WDPCP: variants seen among roughly 807,000 people sequenced by gnomAD.
The protein encoded by WDPCP is WD repeat-containing and planar cell polarity effector protein fritz homolog.
In WDPCP, 71 loss-of-function variants were observed where a neutral mutation model predicts 93.1. That is an observed-to-expected ratio of 0.76 (90% CI 0.63 to 0.93). The LOEUF (loss-of-function observed/expected upper bound fraction) is 0.93. Ranked by LOEUF, WDPCP falls within the 40% of genes least tolerant of loss-of-function variation. The probability of loss-of-function intolerance (pLI) is 0.00; values close to 1 mark genes in which losing one functional copy is unlikely to be tolerated. For missense variants in WDPCP, 844 were observed against 887.4 expected (o/e 0.95, Z 0.62); for synonymous variants, 315 against 315.0 (o/e 1.00, Z 0.00).
intron 1 of WDPCP, among the ~76,000 whole-genome samples, chr2:63,539,951 A>C (rs1160924001): frequency 1.3e-5 from 2 of 152,188 alleles, no homozygotes; most frequent in Non-Finnish European, 2.9e-5. Context: ...TCTCATTGGA[A>C]TGTTAAATAA....
At chr2:63,761,946 AC>A (rs1360662408) in intron 2 of WDPCP, among the ~76,000 whole-genome samples, 27 of 152,120 alleles carry the variant, frequency 1.8e-4, no homozygotes, top group African/African-American at 6.0e-4. Flanking sequence ...GGGTCTAGTT[AC>A]TAATTCCTGG....
At chr2:63,546,797 G>GA (rs1705183119) in intron 1 of WDPCP, among the ~76,000 whole-genome samples, 1 of 151,646 alleles carries the variant, frequency 6.6e-6, no homozygotes, top group African/African-American at 2.4e-5. Flanking sequence ...TTAGAAAGCA[G>GA]AAACAAACTC....
chr2:63,450,034 G>A (rs999675730), intron 6 of WDPCP, among the ~76,000 whole-genome samples: 6 of 152,154 alleles, frequency 3.9e-5, no homozygotes, highest in Admixed American at 1.3e-4. Flanking sequence ...CCAGGACAAA[G>A]GAAAGCAAAG....
chr2:63,564,510 A>T (rs1442066281), intron 1 of WDPCP: 1 of 152,106 alleles, frequency 6.6e-6, no homozygotes, highest in African/African-American at 2.4e-5. Flanking sequence ...GTCTGTGGGG[A>T]ACCTCCTTCT....
At chr2:63,476,881 G>A (rs1700004493) in intron 6 of WDPCP, among the ~76,000 whole-genome samples, 1 of 152,024 alleles carries the variant, frequency 6.6e-6, no homozygotes, top group African/African-American at 2.4e-5. Flanking sequence ...TGATAGGCTT[G>A]GAAAATAATT....
At chr2:63,248,768 T>G in intron 14 of WDPCP, among the ~76,000 whole-genome samples, 1 of 152,172 alleles carries the variant, frequency 6.6e-6, no homozygotes, top group East Asian at 1.9e-4. Context: ...TAAAGTTGGC[T>G]GATTTTTTTT....
intron 3 of WDPCP, among the ~76,000 whole-genome samples, chr2:63,638,789 G>GA (rs1342093696): frequency 1.5e-5 from 2 of 134,478 alleles, no homozygotes; most frequent in African/African-American, 2.7e-5. Context: ...CTTCTGTCTC[G>GA]AAAAAAAGAA....
intron 1 of WDPCP, among the ~76,000 whole-genome samples, chr2:63,571,210 C>T (rs1017375428): frequency 1.3e-5 from 2 of 152,116 alleles, no homozygotes; most frequent in Non-Finnish European, 2.9e-5. Flanking sequence ...CGCGCCTGGT[C>T]AGGGTAAATT....
chr2:63,146,249 A>G (rs1278495794), intron 17 of WDPCP, among the ~76,000 whole-genome samples: 2 of 152,130 alleles, frequency 1.3e-5, no homozygotes, highest in Non-Finnish European at 1.5e-5. Context: ...TCTGTTGAAT[A>G]GGAGTGGTGA....
intron 14 of WDPCP, among the ~76,000 whole-genome samples, chr2:63,253,140 T>C (rs1391240222): frequency 6.6e-6 from 1 of 151,824 alleles, no homozygotes; most frequent in Non-Finnish European, 1.5e-5. Context: ...TCTTCGACAG[T>C]CAAGAAAAGA....
chr2:63,440,813 A>G (rs1697457208), intron 6 of WDPCP: 1 of 152,610 alleles, frequency 6.6e-6, no homozygotes, highest in Admixed American at 6.6e-5. Flanking sequence ...ATGCTAGCCA[A>G]ATTCAAAGAC....
At chr2:63,194,208 T>C (rs916922148) in intron 14 of WDPCP, among the ~76,000 whole-genome samples, 8 of 152,138 alleles carry the variant, frequency 5.3e-5, no homozygotes, top group Non-Finnish European at 1.2e-4. Context: ...GAAAATAATA[T>C]TTTTCCATTT....
chr2:63,155,462 G>A (rs1307051153), intron 15 of WDPCP, among the ~76,000 whole-genome samples: 1 of 152,020 alleles, frequency 6.6e-6, no homozygotes, highest in African/African-American at 2.4e-5. Context: ...GTCTATTTCT[G>A]GGTTATATGT....
chr2:63,668,740 T>C (rs1488575530), intron 2 of WDPCP, among the ~76,000 whole-genome samples: 1 of 152,148 alleles, frequency 6.6e-6, no homozygotes, highest in Admixed American at 6.5e-5. Context: ...TCCTCTTCTG[T>C]TTCTACACAA....
intron 1 of WDPCP, among the ~76,000 whole-genome samples, chr2:63,576,285 G>C (rs183906929): frequency 2.6e-5 from 4 of 151,854 alleles, no homozygotes; most frequent in Non-Finnish European, 5.9e-5. Context: ...TGTGACCTGC[G>C]CATCTGACCA....
chr2:63,571,778 CAT>C (rs1161699510), intron 1 of WDPCP, among the ~76,000 whole-genome samples: 4 of 152,150 alleles, frequency 2.6e-5, no homozygotes, highest in Admixed American at 6.5e-5. Flanking sequence ...ATGATATATT[CAT>C]AGTTATTCGT....
chr2:63,313,241 G>T lies in WDPCP; in HGVS notation c.1812+7C>A, dbSNP rs368344937. The T allele has an allele frequency of 3.1e-6, 5 of 1,612,890 alleles. No homozygotes were observed. In the South Asian group the frequency reaches 3.3e-5, roughly 11 times the overall value. Reference sequence around the variant, plus strand: ...AAGGCACAAAATCATCTCTGAAAATGACTCACCATAAAGAGGTCACGAGCA... The same window carrying T: ...AAGGCACAAAATCATCTCTGAAAATTACTCACCATAAAGAGGTCACGAGCA... On this transcript the variant is annotated splice_region_variant and intron_variant, in intron 13 of 17. Coordinates refer to ENST00000272321, the MANE Select transcript of WDPCP (RefSeq NM_015910.7).
intron 2 of WDPCP, among the ~76,000 whole-genome samples, chr2:63,755,953 C>T (rs1669961921): frequency 6.6e-6 from 1 of 152,194 alleles, no homozygotes; most frequent in South Asian, 2.1e-4. Flanking sequence ...ATTCTCATTG[C>T]ATTTCCTATT....
Position 63,254,689 on chromosome 2 carries a change from T to G in WDPCP, c.1915+4618A>C, listed in dbSNP as rs151280342. The stretch of plus-strand genomic sequence containing the variant: ...TAATACAGTCAAGATTAATGTAAAA[T>G]TTTTAAGTTGTAGGAAGTGTTACAT... On this transcript the variant is annotated intron_variant, in intron 14 of 17. Coordinates refer to ENST00000272321, the MANE Select transcript of WDPCP (RefSeq NM_015910.7). Among the ~76,000 whole-genome samples the G allele has an allele frequency of 2.1e-3, 324 of 152,260 alleles. 1 individual carries two copies. The highest frequency in any genetic ancestry group is 7.5e-3 in the African/African-American group (313 of 41,568).
Sources: gnomAD v4.1 joint callset for allele counts (sites outside exome capture counted in the v4.1 genomes callset) on GRCh38, gnomAD v4.1.1 for gene constraint, MANE v1.5 for transcripts, NCBI Gene and HGNC (gene_info 2026-07-23, HGNC 2026-07-21) for gene names.